Variants in PODNL1 observed in about 807,000 individuals in gnomAD.
PODNL1 encodes podocan-like protein 1.
In PODNL1, 50 loss-of-function variants were observed where a neutral mutation model predicts 45.1. That is an observed-to-expected ratio of 1.11 (90% confidence interval 0.88 to 1.40). The LOEUF is 1.40. Ranked by LOEUF, PODNL1 falls within the 40% of genes most tolerant of loss-of-function variation. The probability of loss-of-function intolerance (pLI) is 0.00; values close to 1 mark genes in which losing one functional copy is unlikely to be tolerated. For synonymous variants in PODNL1, 406 were observed against 372.5 expected (o/e 1.09, Z -1.04); for missense variants, 788 against 793.3 (o/e 0.99, Z 0.08).
At position 13,933,128 on chromosome 19, in the gene PODNL1, C is replaced by T. The variant is rs1972075829; in HGVS notation, c.1095G>A (p.Ala365=). The change falls in exon 8 of 10, where the codon GCG becomes GCA. Residue 365 remains alanine, a synonymous_variant. Coordinates refer to ENST00000588872, the MANE Select transcript of PODNL1 (RefSeq NM_001370095.3). This position sits in a 1 kb window ranked among gnomAD's most constrained non-coding sequence, Gnocchi z 5.2. ...ALVLPHNHVA[A]LGARDLVATP... ...TGGCGACCAGGTCACGGGCACCCAGCGCGGCCACGTGGTTGTGGGGCAGCA... is the reference window on the plus strand; with the variant it reads ...TGGCGACCAGGTCACGGGCACCCAGTGCGGCCACGTGGTTGTGGGGCAGCA... 5 of 1,527,704 alleles carry T rather than the reference C, an allele frequency of 3.3e-6. No individual in the cohort carries two copies. The highest frequency in any genetic ancestry group is 2.0e-5 in the Admixed American group (1 of 49,988). 94.6% of individuals were successfully genotyped at this position (1,527,704 alleles called of 1,614,324 possible). A position where few individuals can be genotyped will look rare whatever the true frequency, so the allele number is the denominator to read the frequency against.
At position 13,933,446 on chromosome 19, in the gene PODNL1, A is replaced by G. The variant is rs933916089; in HGVS notation, c.777T>C (p.His259=). 3 of 1,566,810 alleles carry G rather than the reference A, an allele frequency of 1.9e-6. No individual in the cohort carries two copies. Among genetic ancestry groups the G allele is most frequent in the Admixed American group, 3.6e-5 (2 of 56,022 alleles). ...GLDATTFSKL[H]SLEYLDLSHN... The stretch of plus-strand genomic sequence containing the variant: ...GGGAGAGATCCAGGTATTCAAGGCT[A>G]TGCAGCTTGCTGGAAGGAGAGAGGG... The change falls in exon 8 of 10, where the codon CAT becomes CAC. Residue 259 remains histidine, a synonymous_variant. Coordinates refer to ENST00000588872, the MANE Select transcript of PODNL1 (RefSeq NM_001370095.3). The surrounding 1 kb of genome is among the most constrained non-coding windows in gnomAD (Gnocchi z 5.2).
intron 5 of PODNL1, among the ~76,000 whole-genome samples, chr19:13,934,909 G>A (rs1035491504): frequency 6.6e-6 from 1 of 152,058 alleles, no homozygotes; most frequent in Non-Finnish European, 1.5e-5. Flanking sequence ...ATGTCCATGT[G>A]TGCATGTGAT....
intron 1 of PODNL1, 71 bp downstream of exon 1, chr19:13,938,108 G>A: frequency 6.6e-7 from 1 of 1,508,104 alleles, no homozygotes; most frequent in Non-Finnish European, 8.9e-7. Context: ...GGGAGGCAGT[G>A]GCCAGTTGGC....
rs753252429 is a variant in PODNL1, at chr19:13,937,784, C to T, written c.225+1G>A. 5.1e-6 allele frequency: 8 copies of T among 1,577,360 alleles called. No homozygotes were observed. In the African/African-American group the frequency reaches 6.7e-5, roughly 13 times the overall value. On this transcript the variant is annotated splice_donor_variant, in intron 2 of 9. Coordinates refer to ENST00000588872, the MANE Select transcript of PODNL1 (RefSeq NM_001370095.3). LOFTEE classifies it high-confidence loss of function. ...CCCCCACTCCCCTCCGTGGGCCCCA[C>T]CTGCAGGGAGAGGTGCTGAGCGGCT...
upstream of PODNL1, among the ~76,000 whole-genome samples, chr19:13,938,765 C>T (rs1012824899): frequency 5.3e-5 from 8 of 152,094 alleles, no homozygotes; most frequent in South Asian, 4.1e-4. Flanking sequence ...CTCCTCCCCC[C>T]GCAAATGGCC....
At chr19:13,943,692 G>T (rs1184448817) in intron 1 of PODNL1, among the ~76,000 whole-genome samples, 1 of 152,000 alleles carries the variant, frequency 6.6e-6, no homozygotes, top group Non-Finnish European at 1.5e-5. Flanking sequence ...TCGATCTCCT[G>T]ACCTCATGAT....
intron 1 of PODNL1, chr19:13,952,423 G>C: frequency 8.1e-7 from 1 of 1,236,804 alleles, no homozygotes. Flanking sequence ...CCCAACCGGC[G>C]GGCCGCTGTC....
Position 13,932,113 on chromosome 19 carries a change from C to T in PODNL1, c.1426-1G>A. ...GCTCATTGTGGCTGAGGTCCAGCAT[C>T]TGGGCAGGGGGTTATAGATGGCATC... On this transcript the variant is annotated splice_acceptor_variant, in intron 8 of 9. Transcript: ENST00000588872. LOFTEE classifies it high-confidence loss of function. 2 of 1,233,410 alleles carry T rather than the reference C, an allele frequency of 1.6e-6. No individual in the cohort carries two copies. The highest frequency in any genetic ancestry group is 8.2e-5 in the South Asian group (2 of 24,372). The allele number at this position is 1,233,410 out of a possible 1,614,324, so 76.4% of individuals were successfully genotyped here. A position where few individuals can be genotyped will look rare whatever the true frequency, so the allele number is the denominator to read the frequency against.
At position 13,933,486 on chromosome 19, in the gene PODNL1, G is replaced by C; in HGVS notation, c.768-31C>G. ...AGGAGAGAGGGTCGGTGTTAGGTGG[G>C]GCACTTGGAGTGGGGTGCCTGACAG... is the stretch of plus-strand genomic sequence containing the variant. On this transcript the variant is annotated intron_variant, in intron 7 of 9. Coordinates refer to ENST00000588872, the MANE Select transcript of PODNL1 (RefSeq NM_001370095.3). The surrounding 1 kb of genome is among the most constrained non-coding windows in gnomAD (Gnocchi z 5.2). 1 of 1,523,932 alleles carries C rather than the reference G, an allele frequency of 6.6e-7. No homozygotes were observed. The highest frequency in any genetic ancestry group is 8.8e-7 in the Non-Finnish European group (1 of 1,139,662). The allele number at this position is 1,523,932 out of a possible 1,614,324, so 94.4% of individuals were successfully genotyped here.
intron 8 of PODNL1, chr19:13,932,355 C>T (rs183003949): frequency 8.0e-6 from 4 of 501,098 alleles, no homozygotes; most frequent in Admixed American, 7.6e-5. Flanking sequence ...TCGCACCATA[C>T]CTCTTTCATC....
At position 13,937,865 on chromosome 19, in the gene PODNL1, C is replaced by G; in HGVS notation, c.145G>C (p.Asp49His). The G allele has an allele frequency of 6.3e-7, 1 of 1,589,344 alleles. No homozygotes were observed. The highest frequency in any genetic ancestry group is 8.6e-7 in the Non-Finnish European group (1 of 1,169,456). ...CPLRCSCPRVDTVDCDGLDLR... is the reference protein window; with the variant it reads ...CPLRCSCPRVHTVDCDGLDLR... The stretch of plus-strand genomic sequence containing the variant: ...TCCAAGCCATCACAGTCCACAGTGT[C>G]GACTCGGGGGCAGGAGCAGCGCAGG... The change falls in exon 2 of 10, where the codon GAC becomes CAC. Residue 49 changes from aspartate to histidine, a missense_variant. Around this residue, in one of 3 missense-constraint regions of PODNL1, gnomAD observed 762 missense variants for 750.9 expected, o/e 1.01. Transcript: ENST00000588872.
upstream of PODNL1, among the ~76,000 whole-genome samples, chr19:13,941,037 C>A (rs1389034444): frequency 2.0e-5 from 3 of 151,736 alleles, no homozygotes; most frequent in African/African-American, 7.3e-5. Context: ...CAGAGTGAGA[C>A]CCTGTCTCAA....
rs1409537255 is a variant in PODNL1, at chr19:13,932,978, C to T, written c.1245G>A (p.Arg415=). The change falls in exon 8 of 10, where the codon CGG becomes CGA. Residue 415 remains arginine, a synonymous_variant. Coordinates refer to ENST00000588872, the MANE Select transcript of PODNL1 (RefSeq NM_001370095.3). ...SLDLAGNQLT[R]LPMGLPTGLR... The stretch of plus-strand genomic sequence containing the variant: ...GGCCAGTGGGCAGGCCCATGGGCAG[C>T]CGGGTTAGCTGATTCCCTGCCAGGT... The T allele has an allele frequency of 2.6e-6, 4 of 1,551,974 alleles. No homozygotes were observed. Among genetic ancestry groups the T allele is most frequent in the East Asian group, 2.4e-5 (1 of 41,786 alleles).
upstream of PODNL1, chr19:13,938,576 T>G: frequency 1.1e-5 from 6 of 524,342 alleles, no homozygotes; most frequent in South Asian, 7.8e-5. Flanking sequence ...GATGGAGGGA[T>G]GGGGGGAGCT....
At position 13,934,526 on chromosome 19, in the gene PODNL1, T is replaced by TGTGTGC. The variant is rs527262132; in HGVS notation, c.495-117_495-116insGCACAC. On this transcript the variant is annotated intron_variant, in intron 5 of 9. Transcript: ENST00000588872. The stretch of plus-strand genomic sequence containing the variant: ...GTGTGTGTGTGTGTGTGTGTGTGTG[T>TGTGTGC]GCGCGCGCATGTGTGGAGTCTGTGT... The TGTGTGC allele has an allele frequency of 1.0e-3, 918 of 898,938 alleles. 1 individual carries two copies. Among genetic ancestry groups the TGTGTGC allele is most frequent in the Middle Eastern group, 2.2e-3 (6 of 2,778 alleles). The allele number at this position is 898,938 out of a possible 1,614,324, so 55.7% of individuals were successfully genotyped here. A position where few individuals can be genotyped will look rare whatever the true frequency, so the allele number is the denominator to read the frequency against.
upstream of PODNL1, among the ~76,000 whole-genome samples, chr19:13,939,128 A>G (rs559561106): frequency 2.9e-4 from 44 of 152,280 alleles, no homozygotes; most frequent in Middle Eastern, 3.4e-3. Context: ...TTTCCCACAC[A>G]TAAAATGGGA....
chr19:13,952,543 A>C (rs1568446921), intron 1 of PODNL1: 3 of 1,260,838 alleles, frequency 2.4e-6, no homozygotes, highest in Non-Finnish European at 3.0e-6. Context: ...GGAGCGGAAC[A>C]GCGGGGCTGG....
upstream of PODNL1, among the ~76,000 whole-genome samples, chr19:13,942,839 A>C (rs116770052): frequency 7.7e-3 from 1,165 of 151,616 alleles, 15 homozygotes; most frequent in African/African-American, 0.026. Flanking sequence ...ACAAAAAAAA[A>C]CAACAAAAAA....
rs748001503 is a variant in PODNL1 at position 13,937,943 on chromosome 19, C to T, written c.67G>A (p.Ala23Thr). ...CTCTCCCCCAGGTGGGGGAAGGCAGCGTCTTCCAAGCCGGCGACGGGCGGG... is the reference window on the plus strand; with the variant it reads ...CTCTCCCCCAGGTGGGGGAAGGCAGTGTCTTCCAAGCCGGCGACGGGCGGG... The part of the protein sequence containing the change: ...GPPPVAGLED[A>T]AFPHLGESLQ... The change falls in exon 2 of 10, where the codon GCT (alanine) becomes ACT (threonine). Residue 23 changes from alanine (A) to threonine (T), a missense_variant. Physicochemically the swap from Ala to Thr is moderately conservative, Grantham distance 58. This residue lies in a region of PODNL1 where 762 missense variants were observed against 750.9 expected (regional missense o/e 1.01). Transcript: ENST00000588872. The T allele has an allele frequency of 1.9e-5, 30 of 1,547,624 alleles. No individual in the cohort carries two copies. Among genetic ancestry groups the T allele is most frequent in the Admixed American group, 7.9e-5 (4 of 50,876 alleles).
Sources: allele counts gnomAD v4.1 joint callset (sites outside exome capture counted in the v4.1 genomes callset), GRCh38; gene constraint gnomAD v4.1.1; regional missense constraint gnomAD v4.1.1; non-coding constraint Gnocchi (gnomAD v3.1); transcripts MANE v1.5; gene names NCBI Gene and HGNC (gene_info 2026-07-23, HGNC 2026-07-21).